FAM227B: variants seen among roughly 807,000 people sequenced by gnomAD.
FAM227B encodes protein FAM227B.
Under a neutral mutation model 73.8 loss-of-function variants are expected in FAM227B, and 88 were observed. The ratio of observed to expected loss-of-function variants is 1.19; its 90% confidence interval spans 1.00 to 1.42. FAM227B has a LOEUF of 1.42. FAM227B is among the 40% of genes most tolerant of loss of function. The pLI is 0.00. For synonymous variants in FAM227B, 210 were observed against 190.5 expected, an observed-to-expected ratio of 1.10 and a Z score of -0.84; for missense variants, 632 against 590.9, an observed-to-expected ratio of 1.07 and a Z score of -0.72.
rs572876718 is a variant in FAM227B at position 49,347,970 on chromosome 15, G to T, written c.1272-12474C>A. ...GGAGGTGGAGGCTGCAGTGAGCTGAGATTGCACCATTGCACTCCAGCCTGG... is the reference window on the plus strand; with the variant it reads ...GGAGGTGGAGGCTGCAGTGAGCTGATATTGCACCATTGCACTCCAGCCTGG... On this transcript the variant is annotated intron_variant, in intron 13 of 15. Coordinates refer to ENST00000299338, the MANE Select transcript of FAM227B (RefSeq NM_152647.3). 2.3e-5 allele frequency among the ~76,000 whole-genome samples: 3 copies of T among 131,550 alleles called. No individual in the cohort carries two copies. The South Asian group carries it at 7.5e-4, about 33-fold the overall frequency. The allele number at this position is 131,550 out of a possible 152,430, so 86.3% of individuals were successfully genotyped here.
chr15:49,434,463 C>G (rs2050905986), intron 11 of FAM227B: 1 of 151,122 alleles, frequency 6.6e-6, no homozygotes, highest in African/African-American at 2.4e-5. Flanking sequence ...AAACCCAACA[C>G]AAGGAGAAGG....
Position 49,383,181 on chromosome 15 carries a change from TGGA to T in FAM227B, c.1013-11785_1013-11783del, listed in dbSNP as rs150144064. On this transcript the variant is annotated intron_variant, in intron 11 of 15. Coordinates refer to ENST00000299338, the MANE Select transcript of FAM227B (RefSeq NM_152647.3). ...CTAGAAAAAATATATGTATAGGTGG[TGGA>T]GAAGTCTACAAAAGATGAGATTACA... Among the ~76,000 whole-genome samples the T allele has an allele frequency of 5.6e-3, 860 of 152,234 alleles. 6 individuals are homozygous for T. The highest frequency in any genetic ancestry group is 0.02 in the African/African-American group (816 of 41,550).
chr15:49,354,646 G>A (rs1417913145), intron 13 of FAM227B, among the ~76,000 whole-genome samples: 2 of 152,200 alleles, frequency 1.3e-5, no homozygotes, highest in South Asian at 2.1e-4. Flanking sequence ...AGATCAAACT[G>A]CAAGGTGGGC....
At chr15:49,459,843 A>T (rs1009545739) in intron 11 of FAM227B, among the ~76,000 whole-genome samples, 1 of 151,978 alleles carries the variant, frequency 6.6e-6, no homozygotes, top group Admixed American at 6.6e-5. Context: ...TCCCAATACC[A>T]TGTTGGTATC....
chr15:49,397,278 A>C (rs536963207), intron 11 of FAM227B, among the ~76,000 whole-genome samples: 4 of 152,168 alleles, frequency 2.6e-5, no homozygotes, highest in African/African-American at 9.7e-5. Flanking sequence ...GAAATGAAGC[A>C]AGAAGGGAAG....
chr15:49,512,806 G>A (rs1047605906), intron 10 of FAM227B, among the ~76,000 whole-genome samples: 6 of 152,120 alleles, frequency 3.9e-5, no homozygotes, highest in Middle Eastern at 3.4e-3. Flanking sequence ...CTGTGTCCAC[G>A]TGTTCTCATT....
chr15:49,426,723 GA>G (rs1567253833), intron 11 of FAM227B, among the ~76,000 whole-genome samples: 6 of 148,832 alleles, frequency 4.0e-5, no homozygotes, highest in South Asian at 4.2e-4. Flanking sequence ...TAGCACAAAA[GA>G]AAAAAAAAGG....
At chr15:49,529,931 TA>T (rs1362345146) in intron 10 of FAM227B, among the ~76,000 whole-genome samples, 1 of 151,766 alleles carries the variant, frequency 6.6e-6, no homozygotes, top group Non-Finnish European at 1.5e-5. Context: ...AGTCATTTCA[TA>T]TATCTATAAT....
intron 10 of FAM227B, among the ~76,000 whole-genome samples, chr15:49,534,367 C>A (rs2060847368): frequency 6.6e-6 from 1 of 151,754 alleles, no homozygotes; most frequent in Non-Finnish European, 1.5e-5. Flanking sequence ...AAAACTGTCA[C>A]AAGGGACAAA....
chr15:49,421,123 T>C (rs2049593307), intron 11 of FAM227B, among the ~76,000 whole-genome samples: 1 of 152,202 alleles, frequency 6.6e-6, no homozygotes. Context: ...ATAGGTCTAT[T>C]AAAACAAGAG....
intron 10 of FAM227B, among the ~76,000 whole-genome samples, chr15:49,509,590 T>A (rs2058833100): frequency 1.2e-4 from 1 of 8,634 alleles, no homozygotes; most frequent in Admixed American, 0.011. Context: ...CTGTTACTTT[T>A]TTTTTTTTTT....
In FAM227B at chr15:49,615,712, T is replaced by C. The variant is rs146313886; in HGVS notation, c.-72-469A>G. The stretch of plus-strand genomic sequence containing the variant: ...TTACCCAGTCTCTGGTAGTTCTTTA[T>C]AGCAATGTGAGAACGGACTAACGCA... On this transcript the variant is annotated intron_variant, in intron 1 of 15. Coordinates refer to ENST00000299338, the MANE Select transcript of FAM227B (RefSeq NM_152647.3). Among the ~76,000 whole-genome samples, 278 of 152,310 alleles carry C rather than the reference T, an allele frequency of 1.8e-3. 1 individual carries two copies. The highest frequency in any genetic ancestry group is 0.011 in the Admixed American group (166 of 15,296).
At chr15:49,448,422 T>C (rs2052418236) in intron 11 of FAM227B, among the ~76,000 whole-genome samples, 1 of 151,772 alleles carries the variant, frequency 6.6e-6, no homozygotes, top group South Asian at 2.1e-4. Context: ...CTGATGTGTA[T>C]ATTAATTGTT....
intron 13 of FAM227B, among the ~76,000 whole-genome samples, chr15:49,347,951 G>A (rs1383414687): frequency 6.7e-6 from 1 of 150,330 alleles, no homozygotes; most frequent in Non-Finnish European, 1.5e-5. Context: ...CTTGGGAGGT[G>A]GAGGCTGCAG....
rs563833797 is a variant in FAM227B at position 49,539,928 on chromosome 15, C to A, written c.874+1752G>T. Among the ~76,000 whole-genome samples, 3 of 152,302 alleles carry A rather than the reference C, an allele frequency of 2.0e-5. No homozygotes were observed. In the South Asian group the frequency reaches 6.2e-4, roughly 32 times the overall value. On this transcript the variant is annotated intron_variant, in intron 10 of 15. Transcript: ENST00000299338. ...TGAAACATGGACATGCATGCTCCTG[C>A]AACAAAGCTGAGGCCTAGAATGTGG...
In FAM227B at chr15:49,611,203, T is replaced by G. The variant is rs1214623513; in HGVS notation, c.105+12A>C. 2.6e-6 allele frequency: 4 copies of G among 1,539,336 alleles called. No individual in the cohort carries two copies. The highest frequency in any genetic ancestry group is 1.7e-4 in the Middle Eastern group (1 of 5,902). On this transcript the variant is annotated intron_variant, in intron 3 of 15. Transcript: ENST00000299338. Reference sequence around the variant, plus strand: ...TGATGTAATGGCACATAAAATAAGATGCTTTACTCACCCAATTTTGAAACT... The same window carrying G: ...TGATGTAATGGCACATAAAATAAGAGGCTTTACTCACCCAATTTTGAAACT...
At chr15:49,360,261 T>C (rs1596517903) in intron 13 of FAM227B, among the ~76,000 whole-genome samples, 1 of 151,518 alleles carries the variant, frequency 6.6e-6, no homozygotes, top group Non-Finnish European at 1.5e-5. Context: ...AAAGTCTGTG[T>C]ATGCATGTGT....
At chr15:49,367,050 A>G (rs563450258) in intron 13 of FAM227B, among the ~76,000 whole-genome samples, 1 of 152,310 alleles carries the variant, frequency 6.6e-6, no homozygotes, top group East Asian at 1.9e-4. Context: ...ATAAATTTTC[A>G]TTTGAACAAA....
chr15:49,502,090 T>G (rs1254783691), intron 11 of FAM227B, among the ~76,000 whole-genome samples: 2 of 152,212 alleles, frequency 1.3e-5, no homozygotes, highest in African/African-American at 2.4e-5. Flanking sequence ...AAAGCCTGGT[T>G]GCCCAAGCAG....
Sources: gnomAD v4.1 joint callset for allele counts (sites outside exome capture counted in the v4.1 genomes callset) on GRCh38, gnomAD v4.1.1 for gene constraint, MANE v1.5 for transcripts, NCBI Gene and HGNC (gene_info 2026-07-23, HGNC 2026-07-21) for gene names.